FNIP1: variants seen among roughly 807,000 people sequenced by gnomAD.
FNIP1 encodes folliculin-interacting protein 1.
In FNIP1, 40 loss-of-function variants were observed where a neutral mutation model predicts 124.5. The observed-to-expected ratio is 0.32, with a 90% CI of 0.25 to 0.42. The LOEUF (loss-of-function observed/expected upper bound fraction) is 0.42. Ranked by LOEUF, FNIP1 falls within the 10% of genes least tolerant of loss-of-function variation. The pLI is 1.00. For missense variants in FNIP1, 1,176 were observed against 1,403.7 expected, an observed-to-expected ratio of 0.84 and a Z score of 2.59; for synonymous variants, 472 against 470.6, an observed-to-expected ratio of 1.00 and a Z score of -0.04.
intron 15 of FNIP1, among the ~76,000 whole-genome samples, chr5:131,662,959 T>G (rs1393228657): frequency 6.6e-6 from 1 of 152,092 alleles, no homozygotes; most frequent in Non-Finnish European, 1.5e-5. Context: ...GTAAGGCTGG[T>G]CTTGAACTCC....
intron 1 of FNIP1, among the ~76,000 whole-genome samples, chr5:131,760,886 G>C (rs912206715): frequency 7.3e-6 from 1 of 137,612 alleles, no homozygotes; most frequent in African/African-American, 2.6e-5. Context: ...GGGAAGGAGG[G>C]AAGGAAGGAA....
At chr5:131,670,837 T>C (rs539163930) in intron 14 of FNIP1, among the ~76,000 whole-genome samples, 2 of 152,222 alleles carry the variant, frequency 1.3e-5, no homozygotes, top group Admixed American at 6.5e-5. Context: ...AAAATCATCG[T>C]TATTTAAAAA....
At chr5:131,794,853 T>C (rs1191521899) in intron 1 of FNIP1, among the ~76,000 whole-genome samples, 1 of 152,232 alleles carries the variant, frequency 6.6e-6, no homozygotes, top group Non-Finnish European at 1.5e-5. Context: ...TATCAGTGAC[T>C]GCCACGGGTG....
At chr5:131,768,531 C>T (rs1456268956) in intron 1 of FNIP1, among the ~76,000 whole-genome samples, 1 of 151,662 alleles carries the variant, frequency 6.6e-6, no homozygotes, top group African/African-American at 2.4e-5. Flanking sequence ...AAAAAACAGG[C>T]CAGCATGGTG....
At chr5:131,728,186 T>A (rs1221363421) in intron 3 of FNIP1, among the ~76,000 whole-genome samples, 1 of 152,238 alleles carries the variant, frequency 6.6e-6, no homozygotes. Context: ...AGTATCTTTG[T>A]TGTGTTCTCT....
rs760583504 is a variant in FNIP1 at position 131,719,045 on chromosome 5, G to C, written c.471C>G (p.Leu157=). Residue 157 remains leucine, a synonymous_variant, in exon 5 of 18, where the codon CTC becomes CTG. Coordinates refer to ENST00000510461, the MANE Select transcript of FNIP1 (RefSeq NM_133372.3). ...GAGCAGTAAACACTTTGCTGAGCAT[G>C]AGCTGTGGAGGGGAACTATGAAGAA... ...KIHQIRSPPQ[L]MLSKVFTART... 6.2e-7 allele frequency: 1 copy of C among 1,613,630 alleles called. No homozygotes were observed. The highest frequency in any genetic ancestry group is 8.5e-7 in the Non-Finnish European group (1 of 1,179,676).
chr5:131,678,732 T>C (rs1767983987), intron 12 of FNIP1, among the ~76,000 whole-genome samples: 1 of 152,244 alleles, frequency 6.6e-6, no homozygotes, highest in South Asian at 2.1e-4. Flanking sequence ...TTTCTACCTC[T>C]TTTCTATGAA....
chr5:131,657,416 T>C (rs1260353137), intron 15 of FNIP1, among the ~76,000 whole-genome samples: 1 of 152,144 alleles, frequency 6.6e-6, no homozygotes, highest in Non-Finnish European at 1.5e-5. Context: ...AGTTTAACAC[T>C]GCAAGTGTTG....
At position 131,720,893 on chromosome 5, in the gene FNIP1, G is replaced by A. The variant is rs1322484544; in HGVS notation, c.355-1476C>T. 3.9e-5 allele frequency among the ~76,000 whole-genome samples: 6 copies of A among 152,254 alleles called. No homozygotes were observed. The South Asian group carries it at 1.2e-3, about 32-fold the overall frequency. On this transcript the variant is annotated intron_variant, in intron 3 of 17. Transcript: ENST00000510461. ...CACATTGTTGTAGGAATGCAAAATG[G>A]TATTGTACTTATGGAAAACAACATG...
chr5:131,728,785 C>A (rs1241119705), intron 3 of FNIP1, among the ~76,000 whole-genome samples: 3 of 152,108 alleles, frequency 2.0e-5, no homozygotes, highest in South Asian at 2.1e-4. Flanking sequence ...GAATTTTCAG[C>A]CTTTTATGCT....
Position 131,709,223 on chromosome 5 carries a change from T to C in FNIP1, c.756A>G (p.Arg252=). ...DMPGRELNED[R]DSGIARSASL... ...TACCAGACCGTGCTATGCCACTGTC[T>C]CTGTCCTCATTGAGCTCTCTTCCAG... The change falls in exon 8 of 18, where the codon AGA becomes AGG. Residue 252 remains arginine (R), a synonymous_variant. Transcript: ENST00000510461. The C allele has an allele frequency of 1.2e-6, 2 of 1,614,078 alleles. No homozygotes were observed. The highest frequency in any genetic ancestry group is 1.7e-6 in the Non-Finnish European group (2 of 1,179,926).
chr5:131,779,982 T>C (rs1366345357), intron 1 of FNIP1, among the ~76,000 whole-genome samples: 1 of 151,450 alleles, frequency 6.6e-6, no homozygotes, highest in Non-Finnish European at 1.5e-5. Context: ...AGTGGATCCC[T>C]TGAGCCCAGC....
chr5:131,673,498 G>T (rs1384710054), intron 13 of FNIP1, among the ~76,000 whole-genome samples: 1 of 152,184 alleles, frequency 6.6e-6, no homozygotes, highest in Non-Finnish European at 1.5e-5. Context: ...CTCAAGCAAA[G>T]AGTCAGTTCT....
intron 10 of FNIP1, among the ~76,000 whole-genome samples, chr5:131,703,475 C>T (rs548988004): frequency 6.6e-6 from 1 of 152,258 alleles, no homozygotes; most frequent in East Asian, 1.9e-4. Context: ...TTATAAGGTC[C>T]TACATGATCT....
intron 15 of FNIP1, among the ~76,000 whole-genome samples, chr5:131,664,670 T>G (rs1293169118): frequency 1.4e-5 from 2 of 138,576 alleles, no homozygotes; most frequent in African/African-American, 5.3e-5. Flanking sequence ...AATAGGAGAA[T>G]GGTGAGAAAC....
chr5:131,784,968 T>C (rs1772114221), intron 1 of FNIP1, among the ~76,000 whole-genome samples: 1 of 146,310 alleles, frequency 6.8e-6, no homozygotes, highest in African/African-American at 2.5e-5. Context: ...AGTAAATTTC[T>C]TATAACTATA....
chr5:131,760,680 A>T (rs1561694327), intron 1 of FNIP1, among the ~76,000 whole-genome samples: 1 of 152,114 alleles, frequency 6.6e-6, no homozygotes, highest in Non-Finnish European at 1.5e-5. Flanking sequence ...CTTATCCATC[A>T]TTGTTATTTC....
In FNIP1 at chr5:131,672,598, G is replaced by A. The variant is rs142018189; in HGVS notation, c.1846C>T (p.Pro616Ser). Reference protein sequence around the residue: ...PNCNCKYCSHPLLGQNVENIS... With the variant: ...PNCNCKYCSHSLLGQNVENIS... ...TTCTCTACATTTTGCCCAAGGAGTGGATGACTGCAATATTTACAGTTACAA... is the reference window on the plus strand; with the variant it reads ...TTCTCTACATTTTGCCCAAGGAGTGAATGACTGCAATATTTACAGTTACAA... Residue 616 changes from proline to serine, a missense_variant, in exon 14 of 18, where the codon CCA becomes TCA. By Grantham distance (74) the Pro-to-Ser change is moderately conservative. Coordinates refer to ENST00000510461, the MANE Select transcript of FNIP1 (RefSeq NM_133372.3). 3 of 1,614,024 alleles carry A rather than the reference G, an allele frequency of 1.9e-6. No individual in the cohort carries two copies. Among genetic ancestry groups the A allele is most frequent in the Non-Finnish European group, 1.7e-6 (2 of 1,180,028 alleles).
At chr5:131,739,862 G>A (rs1253976676) in intron 2 of FNIP1, among the ~76,000 whole-genome samples, 1 of 149,948 alleles carries the variant, frequency 6.7e-6, no homozygotes, top group East Asian at 2.0e-4. Flanking sequence ...CTGAGACTGT[G>A]CAGTATATTT....
Sources: allele counts gnomAD v4.1 joint callset (sites outside exome capture counted in the v4.1 genomes callset), GRCh38; gene constraint gnomAD v4.1.1; transcripts MANE v1.5; gene names NCBI Gene and HGNC (gene_info 2026-07-23, HGNC 2026-07-21).